Variants in RAVER2 observed in about 807,000 individuals in gnomAD.
RAVER2 encodes ribonucleoprotein, PTB binding 2.
A neutral mutation model predicts 78.1 loss-of-function variants in RAVER2; 46 were observed. That is an observed-to-expected ratio of 0.59 (90% CI 0.46 to 0.75). RAVER2 has a LOEUF of 0.75. Among genes scored for constraint, RAVER2 ranks in the 30% least tolerant of loss-of-function variants. RAVER2 has a pLI of 0.00. For synonymous variants in RAVER2, 311 were observed against 313.3 expected (o/e 0.99, Z 0.08); for missense variants, 793 against 837.5 (o/e 0.95, Z 0.66).
intron 5 of RAVER2, among the ~76,000 whole-genome samples, chr1:64,793,492 A>G (rs1041200059): frequency 6.6e-6 from 1 of 152,168 alleles, no homozygotes; most frequent in Non-Finnish European, 1.5e-5. Context: ...GTGTGTTCCT[A>G]ATTTAACTGT....
chr1:64,795,592 A>T (rs1347678354), intron 5 of RAVER2, among the ~76,000 whole-genome samples: 1 of 152,082 alleles, frequency 6.6e-6, no homozygotes, highest in African/African-American at 2.4e-5. Context: ...CTGCTGTCTT[A>T]ATTTCAATGT....
rs572180832 is a variant in RAVER2 at position 64,793,006 on chromosome 1, C to A, written c.1105+3492C>A. ...TCACCTGAGGTCAGGAGTTCAAGAC[C>A]AGCCTGGCCAACATGGCGAAACCCC... On this transcript the variant is annotated intron_variant, in intron 5 of 11. Coordinates refer to ENST00000294428, the Ensembl canonical transcript of RAVER2. 7.9e-5 allele frequency among the ~76,000 whole-genome samples: 12 copies of A among 152,242 alleles called. No individual in the cohort carries two copies. In the South Asian group the frequency reaches 2.5e-3, roughly 32 times the overall value.
intron 2 of RAVER2, among the ~76,000 whole-genome samples, chr1:64,773,144 G>A (rs567354618): frequency 6.6e-6 from 1 of 152,080 alleles, no homozygotes; most frequent in Admixed American, 6.6e-5. Flanking sequence ...TCTGGGTGTT[G>A]TGTGACCAGC....
chr1:64,795,177 G>A (rs947678652), intron 5 of RAVER2, among the ~76,000 whole-genome samples: 1 of 152,104 alleles, frequency 6.6e-6, no homozygotes, highest in Non-Finnish European at 1.5e-5. Context: ...TCTTTTACCA[G>A]TACTGTCTTT....
intron 8 of RAVER2, among the ~76,000 whole-genome samples, chr1:64,805,758 T>C (rs915850308): frequency 2.6e-5 from 4 of 152,212 alleles, no homozygotes; most frequent in Admixed American, 6.5e-5. Context: ...AAAAAGTCAA[T>C]TAAATATGCG....
chr1:64,820,173 A>G (rs1653851442), intron 11 of RAVER2, among the ~76,000 whole-genome samples: 1 of 152,234 alleles, frequency 6.6e-6, no homozygotes. Context: ...ATTGTAATCC[A>G]TACAGCAACC....
At chr1:64,817,251 A>T (rs1265827073) in intron 11 of RAVER2, among the ~76,000 whole-genome samples, 4 of 152,146 alleles carry the variant, frequency 2.6e-5, no homozygotes, top group Non-Finnish European at 4.4e-5. Context: ...AAGTCAGGAA[A>T]CAACAGGTGC....
At chr1:64,826,312 GTGTC>G (rs1217693321) in intron 11 of RAVER2, among the ~76,000 whole-genome samples, 1 of 152,230 alleles carries the variant, frequency 6.6e-6, no homozygotes, top group Non-Finnish European at 1.5e-5. Flanking sequence ...AGGCTAAAGA[GTGTC>G]TGGGAAGTCT....
At chr1:64,778,192 A>AGGT in intron 3 of RAVER2, 100 bp downstream of exon 3, 1 of 920,474 alleles carries the variant, frequency 1.1e-6, no homozygotes, top group Non-Finnish European at 1.6e-6. Context: ...TGATTAACAC[A>AGGT]ATGGAAATTT....
At chr1:64,777,646 G>A (rs1185047645) in exon 3 of RAVER2, 4 of 1,612,076 alleles carry the variant, frequency 2.5e-6, no homozygotes, top group Non-Finnish European at 3.4e-6. Flanking sequence ...ATTGAATGGG[G>A]AACAAGCCCA....
At chr1:64,824,085 G>T (rs1357252525) in intron 11 of RAVER2, among the ~76,000 whole-genome samples, 3 of 152,184 alleles carry the variant, frequency 2.0e-5, no homozygotes, top group African/African-American at 4.8e-5. Context: ...AGGATTATAG[G>T]CATGTGCCAC....
chr1:64,829,292 A>T (rs954851718), intron 11 of RAVER2, among the ~76,000 whole-genome samples: 1 of 152,226 alleles, frequency 6.6e-6, no homozygotes, highest in African/African-American at 2.4e-5. Context: ...CCCAGATCCC[A>T]GAGTGAGCAG....
exon 12 of RAVER2, chr1:64,831,114 T>C (rs1654117265): frequency 1.5e-5 from 15 of 992,012 alleles, no homozygotes; most frequent in Non-Finnish European, 1.8e-5. Context: ...AGGAACTGTG[T>C]TGTGCAGCAG....
intron 3 of RAVER2, among the ~76,000 whole-genome samples, chr1:64,778,946 T>A (rs1340570571): frequency 6.8e-6 from 1 of 148,046 alleles, no homozygotes; most frequent in South Asian, 2.1e-4. Context: ...GGAGTACATA[T>A]CTATATATGT....
chr1:64,789,315 A>G lies in RAVER2; in HGVS notation c.979-73A>G, dbSNP rs537494505. 9 of 1,293,358 alleles carry G rather than the reference A, an allele frequency of 7.0e-6. No individual in the cohort carries two copies. In the South Asian group the frequency reaches 1.5e-4, roughly 22 times the overall value. 80.1% of individuals were successfully genotyped at this position (1,293,358 alleles called of 1,614,324 possible). A position where few individuals can be genotyped will look rare whatever the true frequency, so the allele number is the denominator to read the frequency against. On this transcript the variant is annotated intron_variant, in intron 4 of 11. Coordinates refer to ENST00000294428, the Ensembl canonical transcript of RAVER2. ...TCTTGTCAGATGAATGAGGATTTCT[A>G]GAAGAAAGCCTTTGAAATTGTGTCT...
At chr1:64,824,226 G>A (rs1000858266) in intron 11 of RAVER2, among the ~76,000 whole-genome samples, 3 of 152,196 alleles carry the variant, frequency 2.0e-5, no homozygotes, top group African/African-American at 7.2e-5. Flanking sequence ...GATCTCCCCT[G>A]CCAGGAGGCT....
chr1:64,764,981 G>A (rs1643816918), intron 1 of RAVER2, among the ~76,000 whole-genome samples: 1 of 152,196 alleles, frequency 6.6e-6, no homozygotes, highest in South Asian at 2.1e-4. Context: ...GGACACTGTA[G>A]CTAAATTGAC....
At chr1:64,823,640 T>C (rs1453164827) in intron 11 of RAVER2, among the ~76,000 whole-genome samples, 1 of 152,130 alleles carries the variant, frequency 6.6e-6, no homozygotes, top group Admixed American at 6.5e-5. Context: ...AAATCTAACA[T>C]CTAATTATAA....
intron 10 of RAVER2, among the ~76,000 whole-genome samples, chr1:64,813,324 T>C (rs1195350180): frequency 6.6e-6 from 1 of 152,186 alleles, no homozygotes; most frequent in Non-Finnish European, 1.5e-5. Context: ...AACTGGAAAA[T>C]ACTTAATATT....
Sources: gnomAD v4.1 joint callset for allele counts (sites outside exome capture counted in the v4.1 genomes callset) on GRCh38, gnomAD v4.1.1 for gene constraint, MANE v1.5 for transcripts, NCBI Gene and HGNC (gene_info 2026-07-23, HGNC 2026-07-21) for gene names.